The following NMNAT3 variants were observed in gnomAD, a reference collection of about 807,000 sequenced individuals.
The protein encoded by NMNAT3 is nicotinamide nucleotide adenylyltransferase 3, also known as nicotinamide/nicotinic acid mononucleotide adenylyltransferase 3.
NMNAT3 carries 21 observed loss-of-function variants against 24.8 expected under a neutral mutation model. That is an observed-to-expected ratio of 0.85 (90% CI 0.60 to 1.22). NMNAT3 has a LOEUF of 1.22. Among genes scored for constraint, NMNAT3 ranks in the 50% most tolerant of loss-of-function variants. NMNAT3 has a pLI of 0.00. For synonymous variants in NMNAT3, 136 were observed against 155.2 expected (o/e 0.88, Z 0.92); for missense variants, 387 against 436.6 (o/e 0.89, Z 1.01).
chr3:139,588,175 T>C (rs2054018064), intron 3 of NMNAT3, among the ~76,000 whole-genome samples: 1 of 152,204 alleles, frequency 6.6e-6, no homozygotes, highest in Admixed American at 6.5e-5. Flanking sequence ...TAGATGCAGA[T>C]ACTTCTCCTG....
At chr3:139,611,041 G>T (rs13061874) in intron 3 of NMNAT3, among the ~76,000 whole-genome samples, 2 of 103,212 alleles carry the variant, frequency 1.9e-5, no homozygotes, top group African/African-American at 6.5e-5. Flanking sequence ...AGGATGGGGG[G>T]GGTGGTGGTG....
chr3:139,649,652 G>A (rs968235137), intron 1 of NMNAT3, among the ~76,000 whole-genome samples: 7 of 152,084 alleles, frequency 4.6e-5, no homozygotes, highest in African/African-American at 1.7e-4. Flanking sequence ...GCTATTGTAC[G>A]CAGCCCTCCT....
intron 5 of NMNAT3, among the ~76,000 whole-genome samples, chr3:139,578,007 C>G (rs776200685): frequency 2.0e-5 from 3 of 152,204 alleles, no homozygotes; most frequent in African/African-American, 7.2e-5. Context: ...CCTTTGCCTC[C>G]CATTTCCTGC....
intron 1 of NMNAT3, among the ~76,000 whole-genome samples, chr3:139,676,431 T>G (rs2057932043): frequency 6.6e-6 from 1 of 152,132 alleles, no homozygotes; most frequent in African/African-American, 2.4e-5. Context: ...TTTTAAGAGG[T>G]GACACCAAAA....
intron 6 of NMNAT3, chr3:139,570,423 T>C (rs953651361): frequency 3.9e-5 from 6 of 152,182 alleles, no homozygotes; most frequent in African/African-American, 1.4e-4. Context: ...GGCACTCTGA[T>C]TTTTAGAGTT....
chr3:139,646,653 G>C (rs542832937), intron 1 of NMNAT3, among the ~76,000 whole-genome samples: 22 of 152,348 alleles, frequency 1.4e-4, no homozygotes, highest in African/African-American at 5.3e-4. Flanking sequence ...GAAATAGGCA[G>C]CAGTTTGGGC....
chr3:139,568,486 T>C (rs1349994166), intron 6 of NMNAT3: 2 of 152,230 alleles, frequency 1.3e-5, no homozygotes, highest in Admixed American at 6.5e-5. Context: ...TTTAGTGCTA[T>C]AAATTTCCCT....
In NMNAT3 at chr3:139,579,651, T is replaced by A. The variant is rs1939873693; in HGVS notation, c.392-596A>T. 2.6e-5 allele frequency among the ~76,000 whole-genome samples: 4 copies of A among 152,122 alleles called. No individual in the cohort carries two copies. The South Asian group carries it at 8.3e-4, about 31-fold the overall frequency. Reference sequence around the variant, plus strand: ...AGCCATGGACTGTGCTCACTAACCATGATAACTGCCCTGTAGATCGTCTAA... The same window carrying A: ...AGCCATGGACTGTGCTCACTAACCAAGATAACTGCCCTGTAGATCGTCTAA... On this transcript the variant is annotated intron_variant, in intron 4 of 6. Coordinates refer to ENST00000643695, the MANE Select transcript of NMNAT3 (RefSeq NM_001320510.2).
intron 2 of NMNAT3, 80 bp downstream of exon 3, chr3:139,634,531 T>G (rs2056427671): frequency 6.6e-6 from 1 of 152,320 alleles, no homozygotes; most frequent in African/African-American, 2.4e-5. Flanking sequence ...TCAACCTTCA[T>G]GCGATCTCCA....
intron 6 of NMNAT3, among the ~76,000 whole-genome samples, chr3:139,564,936 C>A (rs1047833486): frequency 1.8e-4 from 27 of 152,164 alleles, no homozygotes; most frequent in African/African-American, 6.5e-4. Flanking sequence ...CTGCTTTCTA[C>A]AAAACACCAT....
intron 6 of NMNAT3, among the ~76,000 whole-genome samples, chr3:139,564,060 G>T (rs1354486744): frequency 1.3e-5 from 2 of 152,158 alleles, no homozygotes; most frequent in East Asian, 3.9e-4. Context: ...CCAATCTTGA[G>T]GTCAGTCAGC....
intron 3 of NMNAT3, among the ~76,000 whole-genome samples, chr3:139,591,280 C>T (rs991689050): frequency 2.0e-4 from 31 of 151,920 alleles, no homozygotes; most frequent in African/African-American, 6.1e-4. Context: ...AAACGGCGCA[C>T]GACGAGACTA....
intron 3 of NMNAT3, chr3:139,584,425 A>C (rs2053838620): frequency 6.4e-6 from 1 of 155,340 alleles, no homozygotes; most frequent in Admixed American, 6.5e-5. Flanking sequence ...CAGATGTCTC[A>C]GCCAGATCAC....
chr3:139,647,654 T>C (rs2056913153), intron 1 of NMNAT3, among the ~76,000 whole-genome samples: 1 of 151,862 alleles, frequency 6.6e-6, no homozygotes, highest in East Asian at 1.9e-4. Context: ...GCCTTGAAGT[T>C]TGGAGGGGTG....
At chr3:139,648,868 A>G (rs969569156) in intron 1 of NMNAT3, among the ~76,000 whole-genome samples, 1 of 152,220 alleles carries the variant, frequency 6.6e-6, no homozygotes, top group Non-Finnish European at 1.5e-5. Flanking sequence ...TGTAAGTTGC[A>G]GACAATATTA....
chr3:139,568,627 T>A (rs1023028297), intron 6 of NMNAT3: 5 of 152,242 alleles, frequency 3.3e-5, no homozygotes, highest in Admixed American at 2.0e-4. Flanking sequence ...AGCAGGTTGT[T>A]CCGTTTCCAT....
At chr3:139,633,236 A>C (rs2056371042) in intron 2 of NMNAT3, among the ~76,000 whole-genome samples, 2 of 151,078 alleles carry the variant, frequency 1.3e-5, no homozygotes, top group Non-Finnish European at 2.9e-5. Context: ...GCTGGAGTGC[A>C]ATGGCACGAT....
rs2055495194 is a variant in NMNAT3 at position 139,616,219 on chromosome 3, A to G, written c.109+11397T>C. 5.3e-5 allele frequency among the ~76,000 whole-genome samples: 8 copies of G among 152,200 alleles called. No individual in the cohort carries two copies. The South Asian group carries it at 1.7e-3, about 32-fold the overall frequency. On this transcript the variant is annotated intron_variant, in intron 3 of 6. Coordinates refer to ENST00000643695, the MANE Select transcript of NMNAT3 (RefSeq NM_001320510.2). ...ACATCTACATTGCTGAACTGCACAGATGTGATTTTTCAGTCTTCATCTAAC... is the reference window on the plus strand; with the variant it reads ...ACATCTACATTGCTGAACTGCACAGGTGTGATTTTTCAGTCTTCATCTAAC...
chr3:139,583,018 G>T lies in NMNAT3; in HGVS notation c.300C>A (p.Ser100Arg), dbSNP rs1226640532. ...TTTTCAGTGTTGTGCCTTTGCACTT[G>T]CTGTCATTCAAATCACAGAACGCTT... The change falls in exon 4 of 7, where the codon AGC (serine) becomes AGA (arginine). Residue 100 changes from serine to arginine, a missense_variant. This residue lies in a region of NMNAT3 where 323 missense variants were observed against 345.2 expected (regional missense o/e 0.94). Coordinates refer to ENST00000643695, the MANE Select transcript of NMNAT3 (RefSeq NM_001320510.2). 6 of 1,606,182 alleles carry T rather than the reference G, an allele frequency of 3.7e-6. No homozygotes were observed. The African/African-American group carries it at 8.0e-5, about 22-fold the overall frequency.
Sources: gnomAD v4.1 joint callset for allele counts (sites outside exome capture counted in the v4.1 genomes callset) on GRCh38, gnomAD v4.1.1 for gene constraint, gnomAD v4.1.1 regional missense constraint, MANE v1.5 for transcripts, NCBI Gene and HGNC (gene_info 2026-07-23, HGNC 2026-07-21) for gene names.